ZFHX3: variants seen among roughly 807,000 people sequenced by gnomAD.
The protein encoded by ZFHX3 is zinc finger homeobox protein 3.
Under a neutral mutation model 279.1 loss-of-function variants are expected in ZFHX3, and 42 were observed. The ratio of observed to expected loss-of-function variants is 0.15; its 90% CI spans 0.12 to 0.19. The LOEUF (loss-of-function observed/expected upper bound fraction) is 0.19. ZFHX3 is among the 10% of genes least tolerant of loss of function. The pLI, the probability that ZFHX3 is intolerant of heterozygous loss-of-function variation, is 1.00. For missense variants in ZFHX3, 4,981 were observed against 4,754.0 expected, an observed-to-expected ratio of 1.05 and a Z score of -1.40; for synonymous variants, 2,293 against 1,957.8, an observed-to-expected ratio of 1.17 and a Z score of -4.52.
chr16:73,548,212 G>A (rs1167238591), intron 2 of ZFHX3, among the ~76,000 whole-genome samples: 1 of 152,156 alleles, frequency 6.6e-6, no homozygotes, highest in Non-Finnish European at 1.5e-5. Context: ...AAGTGCACAC[G>A]GAATCCATTT....
intron 4 of ZFHX3, among the ~76,000 whole-genome samples, chr16:72,860,630 A>T (rs778205801): frequency 9.9e-5 from 15 of 152,138 alleles, no homozygotes; most frequent in Non-Finnish European, 1.8e-4. Flanking sequence ...GGGTTTCACC[A>T]TGTTGGTCAG....
chr16:73,749,200 C>T (rs1257243529), intron 1 of ZFHX3, among the ~76,000 whole-genome samples: 1 of 152,146 alleles, frequency 6.6e-6, no homozygotes, highest in African/African-American at 2.4e-5. Flanking sequence ...CATGCCCTTT[C>T]CCTAAAATAC....
intron 2 of ZFHX3, among the ~76,000 whole-genome samples, chr16:73,620,496 A>G (rs1332093369): frequency 6.6e-6 from 1 of 152,200 alleles, no homozygotes; most frequent in Admixed American, 6.5e-5. Flanking sequence ...TATTAGCAAA[A>G]ATGTCTCAAC....
At chr16:72,810,140 T>C (rs2036398615) in intron 7 of ZFHX3, among the ~76,000 whole-genome samples, 1 of 152,076 alleles carries the variant, frequency 6.6e-6, no homozygotes, top group Non-Finnish European at 1.5e-5. Context: ...CACCTTGGCC[T>C]CCCAAAGTGC....
intron 3 of ZFHX3, chr16:73,401,034 G>A (rs2017240468): frequency 6.6e-6 from 1 of 152,028 alleles, no homozygotes; most frequent in South Asian, 2.1e-4. Context: ...AAGGAAGAAG[G>A]GCGGAACTGG....
intron 8 of ZFHX3, chr16:73,093,003 T>G (rs1376703948): frequency 1.9e-6 from 1 of 520,084 alleles, no homozygotes; most frequent in South Asian, 1.4e-5. Flanking sequence ...CCCTTCTCCT[T>G]TTTCTTCGGG....
Position 72,794,765 on chromosome 16 carries a change from C to G in ZFHX3, c.7917G>C (p.Gln2639His). Residue 2639 changes from glutamine (Q) to histidine (H), a missense_variant, in exon 9 of 10, where the codon CAG becomes CAC. Physicochemically the swap from Gln to His is conservative, Grantham distance 24. Around this residue, in one of 7 missense-constraint regions of ZFHX3, gnomAD observed 744 missense variants for 701.3 expected, o/e 1.06. Coordinates refer to ENST00000268489, the MANE Select transcript of ZFHX3 (RefSeq NM_006885.4). This position sits in a 1 kb window ranked among gnomAD's most constrained non-coding sequence, Gnocchi z 4.2. ...TGGTTGTTCTCAAACGCTTGTCTCT[C>G]TGAGGCTCTTCTCCTCCTGTCCCAC... Reference protein sequence around the residue: ...NDSGTGGEEPQRDKRLRTTIT... With the variant: ...NDSGTGGEEPHRDKRLRTTIT... 1 of 1,614,236 alleles carries G rather than the reference C, an allele frequency of 6.2e-7. No homozygotes were observed. Among genetic ancestry groups the G allele is most frequent in the Non-Finnish European group, 8.5e-7 (1 of 1,180,044 alleles).
In ZFHX3 at chr16:72,876,775, G is replaced by A. The variant is rs530118810; in HGVS notation, c.3448+12956C>T. On this transcript the variant is annotated intron_variant, in intron 4 of 9. Coordinates refer to ENST00000268489, the MANE Select transcript of ZFHX3 (RefSeq NM_006885.4). ...CCTAAAGAAACAAACAGAAAAAGCC[G>A]CCTGTGGCCAGATTTTTAAAATAAA... Among the ~76,000 whole-genome samples, 55 of 152,094 alleles carry A rather than the reference G, an allele frequency of 3.6e-4. 2 individuals are homozygous for A. The South Asian group carries it at 1.0e-2, about 28-fold the overall frequency.
intron 3 of ZFHX3, among the ~76,000 whole-genome samples, chr16:73,324,799 G>A (rs916295500): frequency 3.3e-5 from 5 of 152,180 alleles, no homozygotes; most frequent in African/African-American, 1.2e-4. Flanking sequence ...GACTGGAAGG[G>A]TCAAGTTAGA....
intron 1 of ZFHX3, among the ~76,000 whole-genome samples, chr16:73,820,536 G>A (rs184265117): frequency 9.3e-4 from 141 of 152,160 alleles, no homozygotes; most frequent in African/African-American, 3.3e-3. Flanking sequence ...CATTGAGTTT[G>A]CAGCCAGCCC....
At chr16:72,914,636 G>C (rs2039396401) in intron 3 of ZFHX3, among the ~76,000 whole-genome samples, 1 of 152,010 alleles carries the variant, frequency 6.6e-6, no homozygotes, top group African/African-American at 2.4e-5. Context: ...CTTGCTTCTA[G>C]AGAAACAAGA....
At chr16:73,353,089 T>C (rs535465092) in intron 3 of ZFHX3, among the ~76,000 whole-genome samples, 4 of 152,290 alleles carry the variant, frequency 2.6e-5, no homozygotes, top group East Asian at 3.9e-4. Context: ...GAATTCATGG[T>C]GGCAGTGACC....
chr16:73,590,824 G>C (rs1463908637), intron 2 of ZFHX3, among the ~76,000 whole-genome samples: 1 of 152,098 alleles, frequency 6.6e-6, no homozygotes, highest in East Asian at 1.9e-4. Context: ...ATCACCAATG[G>C]CTATAATGTC....
chr16:72,806,076 G>C (rs2036255623), intron 7 of ZFHX3: 1 of 152,132 alleles, frequency 6.6e-6, no homozygotes, highest in Non-Finnish European at 1.5e-5. Context: ...GTTTTGTTTT[G>C]TTGGTAGAGA....
chr16:73,743,226 G>A (rs1002437084), intron 1 of ZFHX3, among the ~76,000 whole-genome samples: 8 of 152,046 alleles, frequency 5.3e-5, no homozygotes, highest in Non-Finnish European at 7.4e-5. Flanking sequence ...TTGCAAATAC[G>A]ACCAACTGTG....
intron 1 of ZFHX3, among the ~76,000 whole-genome samples, chr16:72,985,511 A>G (rs1041690545): frequency 6.6e-6 from 1 of 152,246 alleles, no homozygotes; most frequent in East Asian, 1.9e-4. Flanking sequence ...AGAGCTGAGA[A>G]CAACATTGGA....
intron 7 of ZFHX3, among the ~76,000 whole-genome samples, chr16:72,802,604 CAGG>C (rs1298107901): frequency 6.6e-6 from 1 of 152,106 alleles, no homozygotes; most frequent in Non-Finnish European, 1.5e-5. Context: ...AAGAAATTCC[CAGG>C]AGGCAAAGAG....
At chr16:73,592,423 G>T (rs2052009063) in intron 2 of ZFHX3, among the ~76,000 whole-genome samples, 2 of 152,036 alleles carry the variant, frequency 1.3e-5, no homozygotes, top group African/African-American at 4.8e-5. Flanking sequence ...CTGGATGATG[G>T]TACATGAAGG....
intron 2 of ZFHX3, among the ~76,000 whole-genome samples, chr16:73,489,087 G>A (rs573256076): frequency 5.7e-4 from 87 of 152,152 alleles, no homozygotes; most frequent in Non-Finnish European, 1.1e-3. Flanking sequence ...CAATTCATTT[G>A]GATTATCAAG....
Sources: gnomAD v4.1 joint callset for allele counts (sites outside exome capture counted in the v4.1 genomes callset) on GRCh38, gnomAD v4.1.1 for gene constraint, gnomAD v4.1.1 regional missense constraint, Gnocchi (gnomAD v3.1) non-coding constraint, MANE v1.5 for transcripts, NCBI Gene and HGNC (gene_info 2026-07-23, HGNC 2026-07-21) for gene names.